UNC80: variants seen among roughly 807,000 people sequenced by gnomAD.
UNC80 encodes protein unc-80 homolog.
UNC80 carries 164 observed loss-of-function variants against 384.6 expected under a neutral mutation model. That is an observed-to-expected ratio of 0.43 (90% confidence interval 0.38 to 0.49). UNC80 has a LOEUF of 0.49. UNC80 is among the 20% of genes least tolerant of loss of function. The pLI is 0.00. For missense variants in UNC80, 3,330 were observed against 4,143.0 expected (o/e 0.80, Z 5.39); for synonymous variants, 1,486 against 1,527.8 (o/e 0.97, Z 0.64).
chr2:209,970,033 A>T, intron 53 of UNC80, 142 bp downstream of exon 53: 1 of 1,062,872 alleles, frequency 9.4e-7, no homozygotes, highest in Non-Finnish European at 1.3e-6. Flanking sequence ...CACTGAAAAT[A>T]GTGAGGTACA....
chr2:209,851,664 C>T (rs910894132), intron 22 of UNC80, among the ~76,000 whole-genome samples: 6 of 151,600 alleles, frequency 4.0e-5, no homozygotes, highest in African/African-American at 1.5e-4. Flanking sequence ...ATTTTTTTTC[C>T]GGATGTCTTA....
rs985283035 is a variant in UNC80, at chr2:209,831,476, T to C, written c.2660T>C (p.Val887Ala). The change falls in exon 16 of 65, where the codon GTG (valine) becomes GCG (alanine). Residue 887 changes from valine to alanine, a missense_variant. By Grantham distance (64) the Val-to-Ala change is moderately conservative (BLOSUM62 0). Transcript: ENST00000673920. ...KAGFGNNFTT[V>A]DNKSTAQNVE... The stretch of plus-strand genomic sequence containing the variant: ...GGGTTTGGAAATAACTTCACCACAG[T>C]GGACAACAAATCCACAGCCCAAAAT... The C allele has an allele frequency of 2.6e-6, 4 of 1,550,910 alleles. No homozygotes were observed. Among genetic ancestry groups the C allele is most frequent in the Non-Finnish European group, 3.5e-6 (4 of 1,146,704 alleles).
chr2:209,942,248 G>C (rs1014327897), intron 44 of UNC80, among the ~76,000 whole-genome samples: 10 of 152,078 alleles, frequency 6.6e-5, no homozygotes, highest in Admixed American at 5.2e-4. Context: ...CACTCACCCT[G>C]GTCCATGAAA....
At chr2:209,873,399 A>AT (rs2084480168) in intron 23 of UNC80, among the ~76,000 whole-genome samples, 1 of 152,054 alleles carries the variant, frequency 6.6e-6, no homozygotes, top group Non-Finnish European at 1.5e-5. Context: ...GTAAGGCATG[A>AT]TTTTTTCTAA....
At chr2:209,954,408 A>G in intron 48 of UNC80, 138 bp downstream of exon 48, 2 of 782,596 alleles carry the variant, frequency 2.6e-6, no homozygotes, top group Non-Finnish European at 3.7e-6. Flanking sequence ...TCAGCCCTTT[A>G]TGCCTTATAA....
chr2:209,940,174 A>G (rs1039518492), intron 43 of UNC80, among the ~76,000 whole-genome samples: 1 of 152,112 alleles, frequency 6.6e-6, no homozygotes, highest in African/African-American at 2.4e-5. Context: ...AAGACCGGGT[A>G]TTTGTGTGAA....
intron 14 of UNC80, among the ~76,000 whole-genome samples, chr2:209,827,749 A>G (rs2041523): frequency 1 from 152,223 of 152,290 alleles, 76,078 homozygotes; most frequent in Non-Finnish European, 1. Context: ...AACTACTTAA[A>G]ATACTAAGAA....
At chr2:209,873,941 T>C (rs1037891314) in intron 23 of UNC80, among the ~76,000 whole-genome samples, 9 of 151,782 alleles carry the variant, frequency 5.9e-5, no homozygotes, top group African/African-American at 1.9e-4. Flanking sequence ...TTCTTTCCTA[T>C]ATAAAAACAT....
At chr2:209,937,019 T>C in intron 41 of UNC80, 86 bp downstream of exon 41, 3 of 927,648 alleles carry the variant, frequency 3.2e-6, no homozygotes, top group Non-Finnish European at 5.1e-6. Context: ...CAGGGAGGCA[T>C]CGCTGTTTAG....
intron 43 of UNC80, among the ~76,000 whole-genome samples, chr2:209,940,546 A>T (rs2124977929): frequency 6.6e-6 from 1 of 152,194 alleles, no homozygotes; most frequent in East Asian, 1.9e-4. Context: ...GGGCAAGGTG[A>T]CTCATGCCTG....
At chr2:209,836,606 TAGAG>T (rs112588297) in intron 18 of UNC80, among the ~76,000 whole-genome samples, 4 of 152,320 alleles carry the variant, frequency 2.6e-5, no homozygotes, top group African/African-American at 9.6e-5. Flanking sequence ...TATTTCCACT[TAGAG>T]AGATGTCATA....
chr2:209,868,917 C>G (rs535053229), intron 22 of UNC80, among the ~76,000 whole-genome samples: 20 of 152,090 alleles, frequency 1.3e-4, no homozygotes, highest in African/African-American at 4.8e-4. Context: ...GGAATAGAAG[C>G]CTCTCTGTGA....
chr2:209,877,478 T>C (rs1345200824), intron 23 of UNC80, among the ~76,000 whole-genome samples: 2 of 152,060 alleles, frequency 1.3e-5, no homozygotes, highest in South Asian at 2.1e-4. Context: ...TAATGACAGA[T>C]AGAAAAAAAT....
At chr2:209,955,722 TATATATATATATATATACACACAC>T (rs1424121127) in intron 48 of UNC80, among the ~76,000 whole-genome samples, 7 of 84,888 alleles carry the variant, frequency 8.2e-5, no homozygotes, top group South Asian at 4.8e-4. Flanking sequence ...TATATATATA[TATATATATATATATATACACACAC>T]ACACACACAC....
At chr2:209,850,416 A>T (rs1427040068) in intron 22 of UNC80, among the ~76,000 whole-genome samples, 1 of 152,162 alleles carries the variant, frequency 6.6e-6, no homozygotes, top group East Asian at 1.9e-4. Flanking sequence ...TAGAACAAAA[A>T]ACTTTAAGCC....
At chr2:209,977,282 G>A (rs1336216885) in intron 58 of UNC80, among the ~76,000 whole-genome samples, 2 of 152,188 alleles carry the variant, frequency 1.3e-5, no homozygotes, top group Non-Finnish European at 1.5e-5. Context: ...TAACAAAATA[G>A]AAATCAAAAG....
chr2:209,848,716 A>T (rs2082323494), intron 21 of UNC80, among the ~76,000 whole-genome samples: 1 of 152,128 alleles, frequency 6.6e-6, no homozygotes, highest in South Asian at 2.1e-4. Context: ...ATCTGGTGGT[A>T]ATAAAGTCTA....
At chr2:209,915,856 T>A (rs552323101) in intron 31 of UNC80, among the ~76,000 whole-genome samples, 5 of 152,278 alleles carry the variant, frequency 3.3e-5, no homozygotes, top group Admixed American at 6.5e-5. Context: ...TTGTATATTT[T>A]AAAATAGCTA....
intron 54 of UNC80, 41 bp downstream of exon 54, chr2:209,970,998 T>A (rs2092867741): frequency 6.5e-7 from 1 of 1,534,954 alleles, no homozygotes; most frequent in Non-Finnish European, 8.8e-7. Flanking sequence ...ATTAAGTTGC[T>A]GGTTGAGGCA....
Sources: allele counts gnomAD v4.1 joint callset (sites outside exome capture counted in the v4.1 genomes callset), GRCh38; gene constraint gnomAD v4.1.1; transcripts MANE v1.5; gene names NCBI Gene and HGNC (gene_info 2026-07-23, HGNC 2026-07-21).